Variants in CARMIL1 observed in about 807,000 individuals in gnomAD.
CARMIL1 encodes capping protein regulator and myosin 1 linker 1, also known as F-actin-uncapping protein LRRC16A.
A neutral mutation model predicts 177.1 loss-of-function variants in CARMIL1; 90 were observed. The ratio of observed to expected loss-of-function variants is 0.51; its 90% CI spans 0.43 to 0.61. The LOEUF (loss-of-function observed/expected upper bound fraction) is 0.61, where lower values mean the gene tolerates loss of function less well. Ranked by LOEUF, CARMIL1 falls within the 20% of genes least tolerant of loss-of-function variation. The pLI, the probability that CARMIL1 is intolerant of heterozygous loss-of-function variation, is 0.00. For synonymous variants in CARMIL1, 577 were observed against 606.2 expected (o/e 0.95, Z 0.71); for missense variants, 1,380 against 1,667.0 (o/e 0.83, Z 3.00).
intron 31 of CARMIL1, among the ~76,000 whole-genome samples, chr6:25,592,408 T>C (rs1301223521): frequency 1.3e-5 from 2 of 152,380 alleles, no homozygotes; most frequent in Non-Finnish European, 2.9e-5. Flanking sequence ...TGTACTACTT[T>C]ATCTTTTGTA....
chr6:25,604,773 A>G (rs1456441734), intron 33 of CARMIL1, 39 bp from the exon 34 acceptor site: 3 of 1,460,434 alleles, frequency 2.1e-6, no homozygotes, highest in Non-Finnish European at 2.8e-6. Context: ...CATTAAATAA[A>G]TGTGCACTTT....
chr6:25,366,768 T>C (rs1057033074), intron 2 of CARMIL1, among the ~76,000 whole-genome samples: 1 of 152,086 alleles, frequency 6.6e-6, no homozygotes, highest in Non-Finnish European at 1.5e-5. Context: ...GGTTGGCCCC[T>C]GGTAAGATGC....
intron 1 of CARMIL1, among the ~76,000 whole-genome samples, chr6:25,283,635 G>A (rs965051854): frequency 6.6e-6 from 1 of 152,124 alleles, no homozygotes; most frequent in African/African-American, 2.4e-5. Flanking sequence ...CTTCTTGGGG[G>A]TATTGTGCTG....
chr6:25,456,267 T>G (rs1388799242), intron 8 of CARMIL1, among the ~76,000 whole-genome samples: 1 of 152,230 alleles, frequency 6.6e-6, no homozygotes, highest in Non-Finnish European at 1.5e-5. Flanking sequence ...CATGGTAATT[T>G]GTAAGCAATT....
intron 2 of CARMIL1, among the ~76,000 whole-genome samples, chr6:25,290,988 A>C (rs1269940733): frequency 1.3e-5 from 2 of 151,912 alleles, no homozygotes; most frequent in Non-Finnish European, 2.9e-5. Context: ...TTATTAATTA[A>C]TTTTTTTTAG....
At chr6:25,443,843 G>A (rs1400028019) in intron 5 of CARMIL1, among the ~76,000 whole-genome samples, 2 of 151,528 alleles carry the variant, frequency 1.3e-5, no homozygotes, top group Non-Finnish European at 2.9e-5. Flanking sequence ...TGCTCTTGTT[G>A]CTCAGGCTAG....
At chr6:25,356,074 G>A (rs1200213002) in intron 2 of CARMIL1, among the ~76,000 whole-genome samples, 1 of 148,470 alleles carries the variant, frequency 6.7e-6, no homozygotes, top group Non-Finnish European at 1.5e-5. Context: ...TTTTTGAGAC[G>A]GAGTTTCGCT....
At position 25,279,583 on chromosome 6, in the gene CARMIL1, GCAGCA is replaced by G; in HGVS notation, c.-212_-208del. The G allele has an allele frequency of 5.0e-6, 3 of 601,048 alleles. No individual in the cohort carries two copies. The highest frequency in any genetic ancestry group is 8.9e-6 in the Non-Finnish European group (3 of 335,584). The allele number at this position is 601,048 out of a possible 1,614,324, so 37.2% of individuals were successfully genotyped here. ...TGCGAGGAGGCGTCATGTAGCAGCA[GCAGCA>G]AATCCGCCTCGCATTTGCAACTCTT... On this transcript the variant is annotated 5_prime_UTR_variant, in exon 1 of 37. Coordinates refer to ENST00000329474, the MANE Select transcript of CARMIL1 (RefSeq NM_017640.6).
rs928943137 is a variant in CARMIL1 at position 25,470,997 on chromosome 6, T to C, written c.691-172T>C. Among the ~76,000 whole-genome samples the C allele has an allele frequency of 9.2e-5, 14 of 152,258 alleles. No homozygotes were observed. In the South Asian group the frequency reaches 2.5e-3, roughly 27 times the overall value. On this transcript the variant is annotated intron_variant, in intron 9 of 36. Transcript: ENST00000329474. Reference sequence around the variant, plus strand: ...GGCCGGGACTTTCTCCTTTATATCATTGTATTTCCAGGATCTTCATCACGA... The same window carrying C: ...GGCCGGGACTTTCTCCTTTATATCACTGTATTTCCAGGATCTTCATCACGA...
rs1491141471 is a variant in CARMIL1 at position 25,434,543 on chromosome 6, T to TA, written c.250-939dup. 1.4e-4 allele frequency among the ~76,000 whole-genome samples: 18 copies of TA among 126,280 alleles called. No individual in the cohort carries two copies. The Admixed American group carries it at 1.4e-3, about 10-fold the overall frequency. 82.8% of individuals were successfully genotyped at this position (126,280 alleles called of 152,430 possible). ...ATTTTTTTTTTTTTTTTTTTTTTTT[T>TA]AGACGGAGTCTTGCTCTGTCATCAG... On this transcript the variant is annotated intron_variant, in intron 4 of 36. Transcript: ENST00000329474.
At chr6:25,356,015 G>T (rs1057343966) in intron 2 of CARMIL1, among the ~76,000 whole-genome samples, 1 of 150,342 alleles carries the variant, frequency 6.7e-6, no homozygotes, top group Admixed American at 6.6e-5. Flanking sequence ...CAAGAAAGAG[G>T]TTTCTTTGGC....
intron 2 of CARMIL1, among the ~76,000 whole-genome samples, chr6:25,411,569 T>C (rs2150639566): frequency 6.6e-6 from 1 of 152,310 alleles, no homozygotes; most frequent in Admixed American, 6.5e-5. Flanking sequence ...ATTAGACATG[T>C]TTGTTTCTTT....
At chr6:25,456,132 C>T (rs1055601712) in intron 8 of CARMIL1, among the ~76,000 whole-genome samples, 7 of 152,192 alleles carry the variant, frequency 4.6e-5, no homozygotes, top group African/African-American at 1.4e-4. Flanking sequence ...GCATGTGCAT[C>T]GTCCTGTCCT....
chr6:25,424,088 C>T (rs1272687833), intron 3 of CARMIL1, among the ~76,000 whole-genome samples: 1 of 152,088 alleles, frequency 6.6e-6, no homozygotes, highest in Non-Finnish European at 1.5e-5. Context: ...ACTTCCCTCC[C>T]CACTATTAAT....
rs141737101 is a variant in CARMIL1, at chr6:25,500,720, A to G, written c.1395+485A>G. 3.7e-3 allele frequency among the ~76,000 whole-genome samples: 565 copies of G among 152,222 alleles called. 4 individuals are homozygous for G. Among genetic ancestry groups the G allele is most frequent in the African/African-American group, 0.013 (522 of 41,556 alleles). ...ATAGCAATTTCAAATACTTCCTATC[A>G]AAGAGCTCATAAGAACTGAGACTAA... is the stretch of plus-strand genomic sequence containing the variant. On this transcript the variant is annotated intron_variant, in intron 17 of 36. Coordinates refer to ENST00000329474, the MANE Select transcript of CARMIL1 (RefSeq NM_017640.6).
At position 25,583,821 on chromosome 6, in the gene CARMIL1, A is replaced by ACC. The variant is rs373890684; in HGVS notation, c.3006+2389_3006+2390dup. 9.9e-3 allele frequency among the ~76,000 whole-genome samples: 1,485 copies of ACC among 149,730 alleles called. 17 individuals carry two copies. Among genetic ancestry groups the ACC allele is most frequent in the African/African-American group, 0.03 (1,208 of 40,574 alleles). ...ACTTTTGTAGATAGATAAAAAGACAACCCCCCCCACCCGCCTCCCGCCCAA... is the reference window on the plus strand; with the variant it reads ...ACTTTTGTAGATAGATAAAAAGACAACCCCCCCCCCACCCGCCTCCCGCCCAA... On this transcript the variant is annotated intron_variant, in intron 31 of 36. Transcript: ENST00000329474.
At chr6:25,528,395 C>T (rs911593172) in intron 23 of CARMIL1, among the ~76,000 whole-genome samples, 1 of 152,148 alleles carries the variant, frequency 6.6e-6, no homozygotes, top group Non-Finnish European at 1.5e-5. Flanking sequence ...TTAGAGAGCA[C>T]CACCCTTATT....
intron 5 of CARMIL1, among the ~76,000 whole-genome samples, chr6:25,438,996 A>G (rs1797482948): frequency 6.6e-6 from 1 of 151,948 alleles, no homozygotes; most frequent in African/African-American, 2.4e-5. Context: ...ATTAAGAGAG[A>G]GGGTAGATGT....
intron 2 of CARMIL1, among the ~76,000 whole-genome samples, chr6:25,327,869 G>C (rs1218767637): frequency 6.6e-6 from 1 of 152,130 alleles, no homozygotes; most frequent in Non-Finnish European, 1.5e-5. Context: ...TTTATAACTT[G>C]CATATCTCTT....
Sources: gnomAD v4.1 joint callset for allele counts (sites outside exome capture counted in the v4.1 genomes callset) on GRCh38, gnomAD v4.1.1 for gene constraint, MANE v1.5 for transcripts, NCBI Gene and HGNC (gene_info 2026-07-23, HGNC 2026-07-21) for gene names.